NPFFR2: variants seen among roughly 807,000 people sequenced by gnomAD.
The protein encoded by NPFFR2 is G-protein coupled receptor 74.
In NPFFR2, 15 loss-of-function variants were observed where a neutral mutation model predicts 13.1. The ratio of observed to expected loss-of-function variants is 1.15; its 90% CI spans 0.77 to 1.76. The LOEUF is 1.76. Ranked by LOEUF, NPFFR2 falls within the 40% of genes most tolerant of loss-of-function variation. The probability of loss-of-function intolerance (pLI) is 0.00; values close to 1 mark genes in which losing one functional copy is unlikely to be tolerated. For missense variants in NPFFR2, 572 were observed against 503.5 expected, an observed-to-expected ratio of 1.14 and a Z score of -1.30; for synonymous variants, 190 against 175.7, an observed-to-expected ratio of 1.08 and a Z score of -0.65.
intron 2 of NPFFR2, among the ~76,000 whole-genome samples, chr4:72,133,453 C>A (rs1389999654): frequency 6.6e-6 from 1 of 152,082 alleles, no homozygotes; most frequent in Non-Finnish European, 1.5e-5. Context: ...ATGCCTCCAG[C>A]TTTGTTCTTT....
At chr4:72,048,325 G>A (rs983286753) in intron 1 of NPFFR2, among the ~76,000 whole-genome samples, 1 of 152,104 alleles carries the variant, frequency 6.6e-6, no homozygotes, top group African/African-American at 2.4e-5. Context: ...ATCTCTAGAA[G>A]GGGGTAATTT....
At chr4:72,076,041 G>A (rs10938001) in intron 1 of NPFFR2, among the ~76,000 whole-genome samples, 134,282 of 150,014 alleles carry the variant, frequency 0.9, 61,134 homozygotes, top group Non-Finnish European at 0.98. Flanking sequence ...ACAAGCCAAA[G>A]CAGGAAGGAA....
chr4:72,045,586 A>G (rs946388065), intron 1 of NPFFR2, among the ~76,000 whole-genome samples: 2 of 152,232 alleles, frequency 1.3e-5, no homozygotes, highest in African/African-American at 2.4e-5. Context: ...AAATGCATTT[A>G]GTACATCTAA....
intron 1 of NPFFR2, among the ~76,000 whole-genome samples, chr4:72,116,974 G>T (rs368574904): frequency 3.3e-5 from 5 of 152,164 alleles, no homozygotes; most frequent in African/African-American, 9.6e-5. Flanking sequence ...CTGACCAGAG[G>T]CCAGCTGTTC....
chr4:72,083,225 T>C (rs563931273), intron 1 of NPFFR2, among the ~76,000 whole-genome samples: 5 of 149,886 alleles, frequency 3.3e-5, no homozygotes. Context: ...AATTTCTGAA[T>C]CATATGGTCA....
chr4:72,131,960 G>T (rs566192977), intron 2 of NPFFR2, among the ~76,000 whole-genome samples: 1 of 116,412 alleles, frequency 8.6e-6, no homozygotes, highest in African/African-American at 4.1e-5. Flanking sequence ...AAAAGAGGGT[G>T]TACAAATTGA....
At chr4:72,046,989 G>A (rs1466745845) in intron 1 of NPFFR2, among the ~76,000 whole-genome samples, 3 of 152,142 alleles carry the variant, frequency 2.0e-5, no homozygotes, top group Admixed American at 6.5e-5. Context: ...AGAATGCAGA[G>A]CTTTAAAGTG....
intron 1 of NPFFR2, among the ~76,000 whole-genome samples, chr4:72,101,412 G>T (rs1721246090): frequency 6.6e-6 from 1 of 150,960 alleles, no homozygotes; most frequent in African/African-American, 2.4e-5. Context: ...TTTCTCTCAA[G>T]GTATTAACTT....
chr4:72,045,385 G>A (rs112219895), intron 1 of NPFFR2, among the ~76,000 whole-genome samples: 5,667 of 152,118 alleles, frequency 0.037, 336 homozygotes, highest in African/African-American at 0.13. Flanking sequence ...ATTGATCTAT[G>A]TGTCTATTTT....
intron 1 of NPFFR2, among the ~76,000 whole-genome samples, chr4:72,102,377 A>AATTATT (rs143113118): frequency 0.013 from 1,990 of 151,898 alleles, 53 homozygotes; most frequent in African/African-American, 0.045. Context: ...TGAATGAGGA[A>AATTATT]ATTATTATTA....
intron 1 of NPFFR2, among the ~76,000 whole-genome samples, chr4:72,033,178 C>T (rs1718969265): frequency 6.6e-6 from 1 of 151,962 alleles, no homozygotes; most frequent in Non-Finnish European, 1.5e-5. Flanking sequence ...TCTAATTAAA[C>T]CATAATAAAT....
chr4:72,112,415 G>C (rs1168143932), intron 1 of NPFFR2, among the ~76,000 whole-genome samples: 1 of 151,788 alleles, frequency 6.6e-6, no homozygotes, highest in African/African-American at 2.4e-5. Context: ...TTCTCTTCAT[G>C]GTCCTTTCTT....
chr4:72,128,487 C>T, intron 1 of NPFFR2, 98 bp from the exon 2 acceptor site: 1 of 680,132 alleles, frequency 1.5e-6, no homozygotes, highest in Non-Finnish European at 2.4e-6. Context: ...ACAAAAATTC[C>T]ATGGCATTTT....
chr4:72,062,533 AAAAAG>A (rs905924112), intron 1 of NPFFR2, among the ~76,000 whole-genome samples: 7 of 152,116 alleles, frequency 4.6e-5, no homozygotes, highest in African/African-American at 1.4e-4. Context: ...AAAAAAAAAA[AAAAAG>A]AAGTCGTGAG....
At chr4:72,106,842 G>T (rs116174232) in intron 1 of NPFFR2, among the ~76,000 whole-genome samples, 1 of 151,862 alleles carries the variant, frequency 6.6e-6, no homozygotes, top group South Asian at 2.1e-4. Context: ...AAACTAGTAC[G>T]ATTTATTCCA....
chr4:72,138,198 A>C, intron 3 of NPFFR2, 59 bp downstream of exon 3: 1 of 1,039,964 alleles, frequency 9.6e-7, no homozygotes, highest in South Asian at 1.3e-5. Flanking sequence ...CTAGTATACC[A>C]GAAAAATATA....
chr4:72,070,818 T>G (rs1446488363), intron 1 of NPFFR2, among the ~76,000 whole-genome samples: 1 of 152,114 alleles, frequency 6.6e-6, no homozygotes, highest in Non-Finnish European at 1.5e-5. Context: ...GGTGGATGCA[T>G]AGCAATAGGT....
chr4:72,122,268 C>T (rs1292761494), intron 1 of NPFFR2, among the ~76,000 whole-genome samples: 1 of 152,088 alleles, frequency 6.6e-6, no homozygotes, highest in Non-Finnish European at 1.5e-5. Flanking sequence ...TCTTAGACAC[C>T]TACAAAGAGA....
chr4:72,050,678 A>C (rs1281904774), intron 1 of NPFFR2, among the ~76,000 whole-genome samples: 4 of 151,928 alleles, frequency 2.6e-5, no homozygotes, highest in Non-Finnish European at 5.9e-5. Context: ...TTAGTTACAC[A>C]TGTATACATG....
Sources: gnomAD v4.1 joint callset for allele counts (sites outside exome capture counted in the v4.1 genomes callset) on GRCh38, gnomAD v4.1.1 for gene constraint, MANE v1.5 for transcripts, NCBI Gene and HGNC (gene_info 2026-07-23, HGNC 2026-07-21) for gene names.